MME: variants seen among roughly 807,000 people sequenced by gnomAD.
MME encodes neprilysin.
A neutral mutation model predicts 113.2 loss-of-function variants in MME; 98 were observed. That is an observed-to-expected ratio of 0.87 (90% CI 0.74 to 1.02). MME has a LOEUF of 1.02. MME is among the 50% of genes least tolerant of loss of function. The pLI, the probability that MME is intolerant of heterozygous loss-of-function variation, is 0.00. For synonymous variants in MME, 292 were observed against 300.6 expected, an observed-to-expected ratio of 0.97 and a Z score of 0.30; for missense variants, 836 against 896.0, an observed-to-expected ratio of 0.93 and a Z score of 0.86.
Position 155,116,985 on chromosome 3 carries a change from A to G in MME, c.653A>G (p.His218Arg), listed in dbSNP as rs142506311. The G allele has an allele frequency of 6.6e-7, 1 of 1,515,628 alleles. No individual in the cohort carries two copies. The highest frequency in any genetic ancestry group is 9.2e-7 in the Non-Finnish European group (1 of 1,091,328). 93.9% of individuals were successfully genotyped at this position (1,515,628 alleles called of 1,614,324 possible). ...DDKNSVNHVI[H>R]IDQPRLGLPS... ...AAGAATTCTGTGAATCATGTAATTC[A>G]TGTAAGTTTGTGTGTCAAATAACTA... is the stretch of plus-strand genomic sequence containing the variant. The change falls in exon 7 of 23, where the codon CAT (histidine) becomes CGT (arginine). Residue 218 changes from histidine to arginine, a missense_variant and splice_region_variant. Transcript: ENST00000360490.
intron 4 of MME, among the ~76,000 whole-genome samples, chr3:155,116,065 A>C (rs1395537062): frequency 3.3e-5 from 5 of 152,134 alleles, no homozygotes; most frequent in Admixed American, 3.3e-4. Flanking sequence ...ACACAAAGAT[A>C]ATTATTTTCC....
At chr3:155,167,147 A>T in intron 18 of MME, 126 bp downstream of exon 18, 1 of 1,268,474 alleles carries the variant, frequency 7.9e-7, no homozygotes, top group Non-Finnish European at 1.1e-6. Context: ...AATTTTCACC[A>T]CACTTTCAAT....
chr3:155,099,287 C>T (rs1717003602), intron 3 of MME, among the ~76,000 whole-genome samples: 1 of 152,120 alleles, frequency 6.6e-6, no homozygotes, highest in Non-Finnish European at 1.5e-5. Flanking sequence ...CATTTTTACT[C>T]ATTTTTATCT....
At chr3:155,063,246 A>G (rs1388520339) in intron 1 of MME, among the ~76,000 whole-genome samples, 1 of 110,272 alleles carries the variant, frequency 9.1e-6, no homozygotes, top group African/African-American at 3.4e-5. Context: ...ATATTATATA[A>G]TAATATACAT....
chr3:155,174,352 GT>G (rs1712297891), intron 22 of MME, among the ~76,000 whole-genome samples: 1 of 149,230 alleles, frequency 6.7e-6, no homozygotes, highest in African/African-American at 2.5e-5. Context: ...GTGTGTGTGT[GT>G]GTGTGTGTGT....
chr3:155,093,910 T>A (rs532668313), intron 3 of MME, among the ~76,000 whole-genome samples: 4 of 152,058 alleles, frequency 2.6e-5, no homozygotes, highest in East Asian at 1.9e-4. Flanking sequence ...AGAACCAAAT[T>A]TGAATTTAAC....
chr3:155,136,037 T>C (rs545594562), intron 8 of MME, among the ~76,000 whole-genome samples: 2 of 152,328 alleles, frequency 1.3e-5, no homozygotes, highest in Non-Finnish European at 2.9e-5. Flanking sequence ...CCAGGAGCCC[T>C]TTGGCAGAGT....
intron 1 of MME, among the ~76,000 whole-genome samples, chr3:155,063,011 G>A (rs1714202494): frequency 7.1e-6 from 1 of 140,996 alleles, no homozygotes; most frequent in Non-Finnish European, 1.5e-5. Context: ...CTCCAGCTTG[G>A]GACAGACTGA....
rs77241508 is a variant in MME, at chr3:155,082,314, T to C, written c.-10-1844T>C. Among the ~76,000 whole-genome samples the C allele has an allele frequency of 1.1e-3, 167 of 152,322 alleles. 2 individuals carry two copies. The East Asian group carries it at 0.028, about 25-fold the overall frequency. ...TTTCTCTACATTGTCTTCTGACATA[T>C]GCGGGGGGAACAATATTCAGGAAAG... On this transcript the variant is annotated intron_variant, in intron 1 of 22. Coordinates refer to ENST00000360490, the MANE Select transcript of MME (RefSeq NM_007289.4).
At chr3:155,110,995 A>G (rs1309618383) in intron 3 of MME, among the ~76,000 whole-genome samples, 3 of 152,204 alleles carry the variant, frequency 2.0e-5, no homozygotes, top group Non-Finnish European at 4.4e-5. Context: ...TTTAAACCAC[A>G]TTTGTTTACT....
intron 16 of MME, among the ~76,000 whole-genome samples, chr3:155,159,566 C>A (rs1722562245): frequency 6.6e-6 from 1 of 152,014 alleles, no homozygotes; most frequent in Admixed American, 6.6e-5. Context: ...AGCAGAGAGA[C>A]ATGGGAACTT....
At position 155,138,218 on chromosome 3, in the gene MME, G is replaced by A; in HGVS notation, c.837G>A (p.Leu279=). Residue 279 remains leucine, a synonymous_variant, in exon 9 of 23, where the codon TTG becomes TTA. Coordinates refer to ENST00000360490, the MANE Select transcript of MME (RefSeq NM_007289.4). ...LALEMNKVME[L]EKEIANATAK... is the part of the protein sequence containing the mutation. ...TGGAAATGAATAAAGTTATGGAATT[G>A]GAAAAAGAAATTGCCAATGTAAAAC... The A allele has an allele frequency of 1.2e-6, 2 of 1,613,446 alleles. No individual in the cohort carries two copies. The highest frequency in any genetic ancestry group is 1.7e-5 in the Admixed American group (1 of 59,966).
At chr3:155,151,347 T>A (rs918783921) in intron 16 of MME, among the ~76,000 whole-genome samples, 2 of 152,116 alleles carry the variant, frequency 1.3e-5, no homozygotes, top group Non-Finnish European at 2.9e-5. Context: ...TTCAGAGAAA[T>A]GATGATGCAT....
intron 1 of MME, among the ~76,000 whole-genome samples, chr3:155,062,618 G>C (rs1714185274): frequency 6.6e-6 from 1 of 151,972 alleles, no homozygotes; most frequent in Admixed American, 6.6e-5. Flanking sequence ...CAAAACTTTG[G>C]GGAAACAATA....
chr3:155,088,195 C>G (rs1047002152), intron 3 of MME, among the ~76,000 whole-genome samples: 1 of 147,328 alleles, frequency 6.8e-6, no homozygotes, highest in Non-Finnish European at 1.5e-5. Flanking sequence ...TACTCATAAA[C>G]ACACACACTC....
intron 1 of MME, among the ~76,000 whole-genome samples, chr3:155,035,007 T>G (rs910889900): frequency 6.6e-6 from 1 of 152,106 alleles, no homozygotes; most frequent in East Asian, 1.9e-4. Context: ...AGGAAGGGAA[T>G]GTACCAGCAC....
intron 3 of MME, among the ~76,000 whole-genome samples, chr3:155,108,707 C>T (rs1333331823): frequency 1.3e-5 from 2 of 151,874 alleles, no homozygotes; most frequent in Non-Finnish European, 2.9e-5. Context: ...GTCAACTTTA[C>T]CCTGTTTTAT....
At chr3:155,165,226 C>T (rs1408294168) in intron 17 of MME, among the ~76,000 whole-genome samples, 1 of 151,314 alleles carries the variant, frequency 6.6e-6, no homozygotes, top group Admixed American at 6.6e-5. Flanking sequence ...AAACTATGAA[C>T]ATTTAATTAA....
chr3:155,146,262 C>A (rs9874608), intron 14 of MME, among the ~76,000 whole-genome samples: 62,520 of 151,836 alleles, frequency 0.41, 13,841 homozygotes, highest in African/African-American at 0.58. Flanking sequence ...GCAGTGGCTC[C>A]CTGGTGTAAT....
Sources: allele counts gnomAD v4.1 joint callset (sites outside exome capture counted in the v4.1 genomes callset), GRCh38; gene constraint gnomAD v4.1.1; transcripts MANE v1.5; gene names NCBI Gene and HGNC (gene_info 2026-07-23, HGNC 2026-07-21).